PACRG: variants seen among roughly 807,000 people sequenced by gnomAD.
The protein encoded by PACRG is parkin coregulated gene protein.
A neutral mutation model predicts 29.7 loss-of-function variants in PACRG; 29 were observed. The ratio of observed to expected loss-of-function variants is 0.98; its 90% confidence interval spans 0.73 to 1.33. The LOEUF is 1.33. PACRG is among the 40% of genes most tolerant of loss of function. The pLI is 0.00. For synonymous variants in PACRG, 116 were observed against 118.7 expected, an observed-to-expected ratio of 0.98 and a Z score of 0.15; for missense variants, 279 against 316.2, an observed-to-expected ratio of 0.88 and a Z score of 0.89.
rs1799256955 is a variant in PACRG at position 162,947,595 on chromosome 6, CATATATATATATAA to C, written c.292-114554_292-114541del. On this transcript the variant is annotated intron_variant, in intron 2 of 4. Transcript: ENST00000366888. ...ACTCATATATAATCATATATATAATCATATATATATATAATCATATATATATATATATATATATA... is the reference window on the plus strand; with the variant it reads ...ACTCATATATAATCATATATATAATCTCATATATATATATATATATATATA... 1.0e-3 allele frequency among the ~76,000 whole-genome samples: 29 copies of C among 27,998 alleles called. 1 individual carries two copies. The highest frequency in any genetic ancestry group is 2.7e-3 in the East Asian group (3 of 1,132). The allele number at this position is 27,998 out of a possible 152,430, so 18.4% of individuals were successfully genotyped here.
At chr6:163,057,450 C>T (rs149376761) in intron 2 of PACRG, among the ~76,000 whole-genome samples, 1 of 152,276 alleles carries the variant, frequency 6.6e-6, no homozygotes, top group African/African-American at 2.4e-5. Context: ...GAGTCTCACT[C>T]TGTCACCCAG....
intron 4 of PACRG, among the ~76,000 whole-genome samples, chr6:163,233,001 G>C (rs1782105184): frequency 6.6e-6 from 1 of 152,232 alleles, no homozygotes; most frequent in Non-Finnish European, 1.5e-5. Flanking sequence ...GAGTGGCCCT[G>C]CCAGTGTAGC....
chr6:162,819,532 A>G (rs571843266), intron 2 of PACRG, among the ~76,000 whole-genome samples: 2 of 152,296 alleles, frequency 1.3e-5, no homozygotes, highest in East Asian at 1.9e-4. Flanking sequence ...TAGGGACCCA[A>G]AATGGATCCA....
intron 4 of PACRG, among the ~76,000 whole-genome samples, chr6:163,142,443 G>A (rs1777583820): frequency 6.6e-6 from 1 of 151,712 alleles, no homozygotes; most frequent in Non-Finnish European, 1.5e-5. Context: ...CCCAAAATAA[G>A]CCAATAAACA....
At chr6:162,929,899 A>C (rs555197095) in intron 2 of PACRG, among the ~76,000 whole-genome samples, 19 of 151,858 alleles carry the variant, frequency 1.3e-4, no homozygotes, top group Admixed American at 2.6e-4. Flanking sequence ...AAATGCATGG[A>C]TTTATATCTG....
intron 2 of PACRG, among the ~76,000 whole-genome samples, chr6:163,046,022 C>T (rs1421657124): frequency 6.6e-6 from 1 of 152,040 alleles, no homozygotes; most frequent in Non-Finnish European, 1.5e-5. Flanking sequence ...ATCTCTATTT[C>T]CCTTGATGCC....
At chr6:163,264,170 C>T (rs998689813) in intron 4 of PACRG, among the ~76,000 whole-genome samples, 1 of 152,182 alleles carries the variant, frequency 6.6e-6, no homozygotes, top group Non-Finnish European at 1.5e-5. Context: ...GGGAATGTAA[C>T]TTCTCACGTC....
intron 4 of PACRG, among the ~76,000 whole-genome samples, chr6:163,288,574 T>C (rs1054286767): frequency 6.6e-6 from 1 of 152,248 alleles, no homozygotes; most frequent in African/African-American, 2.4e-5. Context: ...GAATGGGAAC[T>C]AATAAAACTA....
chr6:162,883,152 A>T (rs1794041613), intron 2 of PACRG, among the ~76,000 whole-genome samples: 1 of 151,492 alleles, frequency 6.6e-6, no homozygotes, highest in South Asian at 2.1e-4. Flanking sequence ...TGTCACTACC[A>T]GGTTTTTTTT....
At chr6:163,070,744 A>G (rs1811963949) in intron 3 of PACRG, among the ~76,000 whole-genome samples, 1 of 151,934 alleles carries the variant, frequency 6.6e-6, no homozygotes, top group Non-Finnish European at 1.5e-5. Flanking sequence ...ATCTCCAATC[A>G]AAAGGCACAG....
intron 4 of PACRG, among the ~76,000 whole-genome samples, chr6:163,136,551 T>C (rs916040241): frequency 1.3e-5 from 2 of 152,246 alleles, no homozygotes; most frequent in Non-Finnish European, 2.9e-5. Flanking sequence ...ACTTCATTCA[T>C]GTTTTTAAAT....
chr6:162,826,541 G>A (rs535229474), intron 2 of PACRG, among the ~76,000 whole-genome samples: 4 of 148,640 alleles, frequency 2.7e-5, no homozygotes, highest in South Asian at 2.1e-4. Flanking sequence ...TCGGCTCATC[G>A]CAACCTCTAT....
intron 2 of PACRG, among the ~76,000 whole-genome samples, chr6:162,891,234 T>A (rs968208129): frequency 5.9e-5 from 9 of 152,228 alleles, no homozygotes; most frequent in Non-Finnish European, 8.8e-5. Context: ...TCATTTCAAC[T>A]GCAATGCTAT....
intron 4 of PACRG, among the ~76,000 whole-genome samples, chr6:163,241,195 C>A (rs1782494137): frequency 6.6e-6 from 1 of 152,142 alleles, no homozygotes; most frequent in Non-Finnish European, 1.5e-5. Flanking sequence ...AAAGGTACTG[C>A]TGAACCTGTA....
At chr6:162,867,516 C>T (rs1039933149) in intron 2 of PACRG, among the ~76,000 whole-genome samples, 5 of 152,092 alleles carry the variant, frequency 3.3e-5, no homozygotes, top group African/African-American at 9.7e-5. Flanking sequence ...CTTCAGGTTC[C>T]TCTGTATTAT....
chr6:163,206,587 A>G (rs1353286173), intron 4 of PACRG, among the ~76,000 whole-genome samples: 2 of 152,154 alleles, frequency 1.3e-5, no homozygotes, highest in Admixed American at 6.5e-5. Context: ...TCAAAAATCT[A>G]CTTATCAGGT....
At chr6:162,882,277 T>C (rs1411514843) in intron 2 of PACRG, among the ~76,000 whole-genome samples, 1 of 114,276 alleles carries the variant, frequency 8.8e-6, no homozygotes, top group African/African-American at 3.4e-5. Flanking sequence ...CCACCAAGGT[T>C]GGAGACCCTG....
At chr6:162,941,011 T>C (rs6924346) in intron 2 of PACRG, among the ~76,000 whole-genome samples, 124,801 of 151,772 alleles carry the variant, frequency 0.82, 51,779 homozygotes, top group East Asian at 0.96. Flanking sequence ...TGTTTGTGTG[T>C]GTGCGCGTGT....
At chr6:163,097,704 T>C (rs938830037) in intron 4 of PACRG, among the ~76,000 whole-genome samples, 2 of 152,156 alleles carry the variant, frequency 1.3e-5, no homozygotes, top group African/African-American at 4.8e-5. Flanking sequence ...GAGTTCCTGA[T>C]TGGCAATTGG....
Sources: allele counts gnomAD v4.1 joint callset (sites outside exome capture counted in the v4.1 genomes callset), GRCh38; gene constraint gnomAD v4.1.1; transcripts MANE v1.5; gene names NCBI Gene and HGNC (gene_info 2026-07-23, HGNC 2026-07-21).